YTHDC2: variants seen among roughly 807,000 people sequenced by gnomAD.
YTHDC2 encodes the protein YTH N6-methyladenosine RNA binding protein C2, also known as 3'-5' RNA helicase YTHDC2.
YTHDC2 carries 45 observed loss-of-function variants against 174.9 expected under a neutral mutation model. That is an observed-to-expected ratio of 0.26 (90% CI 0.20 to 0.33). The LOEUF is 0.33. YTHDC2 is among the 10% of genes least tolerant of loss of function. The pLI is 1.00. For missense variants in YTHDC2, 1,650 were observed against 1,723.7 expected (o/e 0.96, Z 0.76); for synonymous variants, 657 against 574.5 (o/e 1.14, Z -2.05).
intron 3 of YTHDC2, among the ~76,000 whole-genome samples, chr5:113,525,920 A>G (rs1291987527): frequency 1.3e-5 from 2 of 152,102 alleles, no homozygotes; most frequent in African/African-American, 4.8e-5. Flanking sequence ...GCACACAAAC[A>G]TATTTTGAGC....
At position 113,535,775 on chromosome 5, in the gene YTHDC2, T is replaced by G. The variant is rs371247993; in HGVS notation, c.1079T>G (p.Phe360Cys). Residue 360 changes from phenylalanine (F) to cysteine (C), a missense_variant, in exon 7 of 30, where the codon TTT becomes TGT. Physicochemically the swap from Phe to Cys is radical, Grantham distance 205 (BLOSUM62 -2). Transcript: ENST00000161863. ...GATGTAAATCTCTTTATAAGATATT[T>G]TGGAAGTTGTCCAGTGATATATAGT... is the stretch of plus-strand genomic sequence containing the variant. Reference protein sequence around the residue: ...ALDVNLFIRYFGSCPVIYIQG... With the variant: ...ALDVNLFIRYCGSCPVIYIQG... 1.2e-6 allele frequency: 2 copies of G among 1,610,660 alleles called. No homozygotes were observed. Among genetic ancestry groups the G allele is most frequent in the African/African-American group, 2.7e-5 (2 of 74,756 alleles).
intron 24 of YTHDC2, 55 bp downstream of exon 24, chr5:113,579,750 G>GAT (rs1778284273): frequency 2.0e-6 from 3 of 1,465,124 alleles, no homozygotes; most frequent in South Asian, 2.9e-5. Flanking sequence ...AGTGTGAATT[G>GAT]ATATATAATA....
At position 113,581,535 on chromosome 5, in the gene YTHDC2, C is replaced by G. The variant is rs761943232; in HGVS notation, c.3473C>G (p.Ala1158Gly). The change falls in exon 25 of 30, where the codon GCT (alanine) becomes GGT (glycine). Residue 1158 changes from alanine (A) to glycine (G), a missense_variant. Around this residue, in one of 5 missense-constraint regions of YTHDC2, gnomAD observed 913 missense variants for 940.4 expected, o/e 0.97. Coordinates refer to ENST00000161863, the MANE Select transcript of YTHDC2 (RefSeq NM_022828.5). The stretch of plus-strand genomic sequence containing the variant: ...GAAGCTACCATAAGAGCAATTATAG[C>G]TGTTTTAAGCACTGAAGAACAGTCT... ...VDEATIRAII[A>G]VLSTEEQSAG... The G allele has an allele frequency of 1.7e-5, 28 of 1,613,880 alleles. No individual in the cohort carries two copies. The highest frequency in any genetic ancestry group is 2.3e-5 in the Non-Finnish European group (27 of 1,179,894).
chr5:113,538,220 A>G (rs915034443), intron 7 of YTHDC2, among the ~76,000 whole-genome samples: 7 of 152,154 alleles, frequency 4.6e-5, no homozygotes, highest in African/African-American at 1.7e-4. Context: ...GAACTATTGC[A>G]GTAGCTGCTA....
chr5:113,581,326 G>A, intron 24 of YTHDC2, 91 bp from the exon 25 acceptor site: 1 of 1,221,168 alleles, frequency 8.2e-7, no homozygotes, highest in Non-Finnish European at 1.1e-6. Flanking sequence ...AAGTTTGTTG[G>A]AAACAGTTGC....
intron 26 of YTHDC2, among the ~76,000 whole-genome samples, chr5:113,588,269 C>G (rs952778308): frequency 6.6e-6 from 1 of 152,076 alleles, no homozygotes; most frequent in Admixed American, 6.6e-5. Flanking sequence ...ACATATCTTT[C>G]CCTTGATCTT....
In YTHDC2 at chr5:113,548,720, C is replaced by CTT. The variant is rs1561658272; in HGVS notation, c.1622+59_1622+60dup. On this transcript the variant is annotated intron_variant, in intron 11 of 29. Transcript: ENST00000161863. ...TATATCTTTGTATAGCTACACATAT[C>CTT]TTTTTTTGTTTTCTTATGTTTGTCT... 3 of 1,501,968 alleles carry CTT rather than the reference C, an allele frequency of 2.0e-6. No individual in the cohort carries two copies. The African/African-American group carries it at 4.2e-5, about 21-fold the overall frequency. 93.0% of individuals were successfully genotyped at this position (1,501,968 alleles called of 1,614,324 possible).
intron 5 of YTHDC2, among the ~76,000 whole-genome samples, chr5:113,534,020 C>A (rs978995823): frequency 6.6e-6 from 1 of 151,884 alleles, no homozygotes; most frequent in African/African-American, 2.4e-5. Context: ...AATCTGATTC[C>A]ATTTGTAACA....
chr5:113,514,048 C>G lies in YTHDC2; in HGVS notation c.153C>G (p.Ile51Met). 2 of 1,612,100 alleles carry G rather than the reference C, an allele frequency of 1.2e-6. No individual in the cohort carries two copies. The highest frequency in any genetic ancestry group is 1.7e-6 in the Non-Finnish European group (2 of 1,179,260). ...AGGAGGTGAAGATCGCAGTCAATAT[C>G]GCGCTGGAGCGCTTCCGATACGGGG... Reference protein sequence around the residue: ...IDEEVKIAVNIALERFRYGDQ... With the variant: ...IDEEVKIAVNMALERFRYGDQ... The change falls in exon 1 of 30, where the codon ATC (isoleucine) becomes ATG (methionine). Residue 51 changes from isoleucine (I) to methionine (M), a missense_variant. By Grantham distance (10) the Ile-to-Met change is conservative. This residue lies in a region of YTHDC2 where 304 missense variants were observed against 341.4 expected (regional missense o/e 0.89). Transcript: ENST00000161863.
chr5:113,550,150 G>C (rs1010411777), intron 12 of YTHDC2, among the ~76,000 whole-genome samples: 1 of 151,532 alleles, frequency 6.6e-6, no homozygotes, highest in Non-Finnish European at 1.5e-5. Context: ...GGCAGGTACA[G>C]CACAGGGGAT....
intron 2 of YTHDC2, among the ~76,000 whole-genome samples, chr5:113,516,071 C>T (rs899025080): frequency 1.3e-5 from 2 of 151,876 alleles, no homozygotes; most frequent in Admixed American, 6.6e-5. Context: ...GGTGGCATAC[C>T]GTGAACTCTT....
At chr5:113,533,859 C>T (rs1774866530) in intron 5 of YTHDC2, among the ~76,000 whole-genome samples, 2 of 152,116 alleles carry the variant, frequency 1.3e-5, no homozygotes, top group Non-Finnish European at 2.9e-5. Flanking sequence ...ATTTGGGATG[C>T]TCAACTGGAG....
At position 113,584,386 on chromosome 5, in the gene YTHDC2, T is replaced by C. The variant is rs1315684269; in HGVS notation, c.3732T>C (p.Thr1244=). 3 of 1,613,972 alleles carry C rather than the reference T, an allele frequency of 1.9e-6. No homozygotes were observed. The highest frequency in any genetic ancestry group is 2.5e-6 in the Non-Finnish European group (3 of 1,179,890). The part of the protein sequence containing the change: ...DRGILHPKRG[T]EDRSDQSSLK... Reference sequence around the variant, plus strand: ...GAATTTTACATCCTAAACGAGGTACTGAGGACCGATCAGATCAGTCTTCTC... The same window carrying C: ...GAATTTTACATCCTAAACGAGGTACCGAGGACCGATCAGATCAGTCTTCTC... The change falls in exon 26 of 30, where the codon ACT becomes ACC. Residue 1244 remains threonine, a synonymous_variant. Coordinates refer to ENST00000161863, the MANE Select transcript of YTHDC2 (RefSeq NM_022828.5).
intron 10 of YTHDC2, among the ~76,000 whole-genome samples, chr5:113,546,396 G>C (rs1775889971): frequency 6.6e-6 from 1 of 152,168 alleles, no homozygotes; most frequent in Admixed American, 6.5e-5. Context: ...TAAGCCATGT[G>C]AGGAAAACTA....
In YTHDC2 at chr5:113,566,983, G is replaced by A; in HGVS notation, c.2843-109G>A. The A allele has an allele frequency of 4.9e-6, 6 of 1,236,556 alleles. No individual in the cohort carries two copies. The South Asian group carries it at 9.5e-5, about 20-fold the overall frequency. 76.6% of individuals were successfully genotyped at this position (1,236,556 alleles called of 1,614,324 possible). A position where few individuals can be genotyped will look rare whatever the true frequency, so the allele number is the denominator to read the frequency against. On this transcript the variant is annotated intron_variant, in intron 21 of 29. Transcript: ENST00000161863. ...CAGAGGAGATTCTATTAATTATCGT[G>A]AAATTTGAATATCACAAAATTTACA...
intron 26 of YTHDC2, 74 bp downstream of exon 26, chr5:113,584,553 A>T (rs1778574208): frequency 7.9e-7 from 1 of 1,268,406 alleles, no homozygotes; most frequent in Non-Finnish European, 1.1e-6. Context: ...ATAAAATTGT[A>T]AAACAATTAG....
chr5:113,526,707 G>A lies in YTHDC2; in HGVS notation c.597G>A (p.Gln199=), dbSNP rs1177874533. 3.2e-6 allele frequency: 5 copies of A among 1,579,966 alleles called. No homozygotes were observed. The highest frequency in any genetic ancestry group is 2.6e-6 in the Non-Finnish European group (3 of 1,162,060). ...AGTCTTTACCAGTGTTTGAGAAACAGGAAGAAATTGTTAAAATAATTAAGG... is the reference window on the plus strand; with the variant it reads ...AGTCTTTACCAGTGTTTGAGAAACAAGAAGAAATTGTTAAAATAATTAAGG... ...FRQSLPVFEK[Q]EEIVKIIKEN... The change falls in exon 4 of 30, where the codon CAG becomes CAA. Residue 199 remains glutamine (Q), a synonymous_variant. Transcript: ENST00000161863.
At chr5:113,549,872 G>C (rs547018808) in intron 12 of YTHDC2, among the ~76,000 whole-genome samples, 103 of 151,810 alleles carry the variant, frequency 6.8e-4, no homozygotes, top group Non-Finnish European at 1.3e-3. Context: ...ACAGCAACTA[G>C]ATGTAGTAGA....
intron 4 of YTHDC2, among the ~76,000 whole-genome samples, chr5:113,528,523 AT>A (rs907043990): frequency 0.02 from 2,987 of 147,288 alleles, 104 homozygotes; most frequent in African/African-American, 0.066. Context: ...AAGGTGGAAG[AT>A]TTTTTTTTTT....
Sources: allele counts gnomAD v4.1 joint callset (sites outside exome capture counted in the v4.1 genomes callset), GRCh38; gene constraint gnomAD v4.1.1; regional missense constraint gnomAD v4.1.1; transcripts MANE v1.5; gene names NCBI Gene and HGNC (gene_info 2026-07-23, HGNC 2026-07-21).